The following AKR1D1 variants were observed in gnomAD, a reference collection of about 807,000 sequenced individuals.
AKR1D1 encodes the protein delta(4)-3-ketosteroid 5-beta-reductase.
A neutral mutation model predicts 42.6 loss-of-function variants in AKR1D1; 32 were observed. The ratio of observed to expected loss-of-function variants is 0.75; its 90% CI spans 0.57 to 1.01. AKR1D1 has a LOEUF of 1.01. Ranked by LOEUF, AKR1D1 falls within the 50% of genes least tolerant of loss-of-function variation. The probability of loss-of-function intolerance (pLI) is 0.00; values close to 1 mark genes in which losing one functional copy is unlikely to be tolerated. For missense variants in AKR1D1, 364 were observed against 402.2 expected (o/e 0.91, Z 0.81); for synonymous variants, 123 against 135.5 (o/e 0.91, Z 0.64).
At chr7:138,108,240 G>A (rs1457422410) in intron 7 of AKR1D1, among the ~76,000 whole-genome samples, 3 of 152,144 alleles carry the variant, frequency 2.0e-5, no homozygotes, top group African/African-American at 7.2e-5. Context: ...ACTAGACAAA[G>A]GGGTAATTCA....
At chr7:138,078,112 C>A (rs534890035) in intron 1 of AKR1D1, among the ~76,000 whole-genome samples, 114 of 152,244 alleles carry the variant, frequency 7.5e-4, no homozygotes, top group African/African-American at 2.7e-3. Context: ...CAGGCAGGTG[C>A]CACCATGCCC....
At chr7:138,098,700 A>G (rs1211671262) in intron 4 of AKR1D1, among the ~76,000 whole-genome samples, 1 of 152,168 alleles carries the variant, frequency 6.6e-6, no homozygotes, top group Non-Finnish European at 1.5e-5. Context: ...TCACAAGAGT[A>G]GACAACTATA....
intron 3 of AKR1D1, among the ~76,000 whole-genome samples, chr7:138,093,569 C>A (rs1453998572): frequency 6.6e-6 from 1 of 152,106 alleles, no homozygotes; most frequent in East Asian, 1.9e-4. Context: ...GGAGGTTCTT[C>A]CGGAGCAATA....
chr7:138,100,699 C>CTTTTTTTTTTTTTTTTTTTTTTT (rs749956421), intron 4 of AKR1D1, among the ~76,000 whole-genome samples: 1 of 88,392 alleles, frequency 1.1e-5, no homozygotes, highest in Non-Finnish European at 2.0e-5. Context: ...GTCAGAGATT[C>CTTTTTTTTTTTTTTTTTTTTTTT]TTTTTTTTTT....
chr7:138,076,651 C>CT, intron 1 of AKR1D1, 40 bp downstream of exon 1: 1 of 1,526,908 alleles, frequency 6.5e-7, no homozygotes, highest in Non-Finnish European at 9.1e-7. Flanking sequence ...TTGTTTGTTT[C>CT]TTTTAACATT....
At chr7:138,082,364 T>C (rs962785615) in intron 1 of AKR1D1, among the ~76,000 whole-genome samples, 3 of 151,392 alleles carry the variant, frequency 2.0e-5, no homozygotes, top group Non-Finnish European at 4.4e-5. Context: ...AATTTAATTT[T>C]CTTTTTTTTT....
chr7:138,082,555 T>TTTATTTTA (rs990308796), intron 1 of AKR1D1, among the ~76,000 whole-genome samples: 1 of 151,906 alleles, frequency 6.6e-6, no homozygotes, highest in African/African-American at 2.4e-5. Flanking sequence ...AATTTTTGTT[T>TTTATTTTA]TTATTTTACT....
intron 3 of AKR1D1, among the ~76,000 whole-genome samples, chr7:138,095,392 A>G (rs1476674730): frequency 1.3e-5 from 2 of 152,264 alleles, no homozygotes; most frequent in African/African-American, 4.8e-5. Context: ...CCCTGCTCTC[A>G]GGGAGATGGG....
intron 7 of AKR1D1, among the ~76,000 whole-genome samples, chr7:138,108,628 G>C (rs1159782004): frequency 6.6e-6 from 1 of 152,162 alleles, no homozygotes; most frequent in Non-Finnish European, 1.5e-5. Flanking sequence ...GAGTAGAATA[G>C]TGGTTACCGG....
rs1308042084 is a variant in AKR1D1, at chr7:138,088,714, G to A, written c.207G>A (p.Arg69=). The change falls in exon 2 of 9, where the codon AGG becomes AGA. Residue 69 remains arginine, a synonymous_variant. Transcript: ENST00000242375. The part of the protein sequence containing the change: ...QNEHEVGEAI[R]EKIAEGKVRR... Reference sequence around the variant, plus strand: ...AACACGAAGTTGGGGAGGCCATCAGGGAGAAGATAGCAGAAGGAAAGGTGC... The same window carrying A: ...AACACGAAGTTGGGGAGGCCATCAGAGAGAAGATAGCAGAAGGAAAGGTGC... The A allele has an allele frequency of 1.2e-6, 2 of 1,613,150 alleles. No individual in the cohort carries two copies. The highest frequency in any genetic ancestry group is 1.7e-6 in the Non-Finnish European group (2 of 1,179,674).
intron 1 of AKR1D1, among the ~76,000 whole-genome samples, chr7:138,088,147 T>A (rs148655225): frequency 9.7e-4 from 147 of 152,306 alleles, no homozygotes; most frequent in African/African-American, 3.4e-3. Flanking sequence ...TGCCTCAGCC[T>A]CCCAAAGTCC....
chr7:138,082,438 G>T (rs1803078085), intron 1 of AKR1D1, among the ~76,000 whole-genome samples: 1 of 152,008 alleles, frequency 6.6e-6, no homozygotes. Flanking sequence ...TGCAATCGTA[G>T]CTCACTGAAG....
chr7:138,101,243 A>G (rs1247481773), intron 4 of AKR1D1, among the ~76,000 whole-genome samples: 1 of 128,994 alleles, frequency 7.8e-6, no homozygotes, highest in East Asian at 2.6e-4. Context: ...TCTGTAGCCC[A>G]GGCTGGAGTG....
At chr7:138,087,893 CT>C (rs757196207) in intron 1 of AKR1D1, among the ~76,000 whole-genome samples, 551 of 137,548 alleles carry the variant, frequency 4.0e-3, no homozygotes, top group Middle Eastern at 0.011. Context: ...CATTTCTTTT[CT>C]TTTTTTTTTT....
rs373846131 is a variant in AKR1D1 at position 138,097,844 on chromosome 7, A to C, written c.379-22A>C. On this transcript the variant is annotated intron_variant, in intron 3 of 8. Coordinates refer to ENST00000242375, the MANE Select transcript of AKR1D1 (RefSeq NM_005989.4). ...GATATAAATAAAATGAATTACATTT[A>C]TTCTTTTTTTTTTTTTTTCAGCCAG... The C allele has an allele frequency of 4.5e-6, 6 of 1,337,186 alleles. No homozygotes were observed. The African/African-American group carries it at 5.9e-5, about 13-fold the overall frequency. 82.8% of individuals were successfully genotyped at this position (1,337,186 alleles called of 1,614,324 possible). A position where few individuals can be genotyped will look rare whatever the true frequency, so the allele number is the denominator to read the frequency against.
chr7:138,105,219 TTTTAAAGAA>T, intron 4 of AKR1D1, 79 bp from the exon 5 acceptor site: 5 of 1,590,564 alleles, frequency 3.1e-6, no homozygotes, highest in Non-Finnish European at 4.3e-6. Context: ...GAACTTTCCT[TTTTAAAGAA>T]TTCACAGTCA....
Position 138,117,573 on chromosome 7 carries a change from T to G in AKR1D1, c.*911T>G, listed in dbSNP as rs1794658436. 6.6e-6 allele frequency: 1 copy of G among 152,228 alleles called. No individual in the cohort carries two copies. The highest frequency in any genetic ancestry group is 2.4e-5 in the African/African-American group (1 of 41,456). The allele number at this position is 152,228 out of a possible 1,614,324, so 9.4% of individuals were successfully genotyped here. On this transcript the variant is annotated 3_prime_UTR_variant, in exon 9 of 9. Transcript: ENST00000242375. ...TAAGACTTTAATAGTGTTACTTGGA[T>G]AGCTTATATGAATTTTGAGAATTTT...
intron 5 of AKR1D1, 50 bp from the exon 6 acceptor site, chr7:138,106,558 C>A: frequency 7.0e-7 from 1 of 1,428,448 alleles, no homozygotes; most frequent in Non-Finnish European, 9.9e-7. Flanking sequence ...CAATTGCATT[C>A]AACAACGTGG....
intron 3 of AKR1D1, among the ~76,000 whole-genome samples, chr7:138,093,443 T>A (rs1585728511): frequency 6.6e-6 from 1 of 152,086 alleles, no homozygotes; most frequent in African/African-American, 2.4e-5. Context: ...GTCTATTAAA[T>A]TTTTTTTTAA....
Sources: gnomAD v4.1 joint callset for allele counts (sites outside exome capture counted in the v4.1 genomes callset) on GRCh38, gnomAD v4.1.1 for gene constraint, MANE v1.5 for transcripts, NCBI Gene and HGNC (gene_info 2026-07-23, HGNC 2026-07-21) for gene names.